Variants in PIGL observed in about 807,000 individuals in gnomAD.
PIGL encodes the protein phosphatidylinositol glycan anchor biosynthesis class L, also known as N-acetylglucosaminyl-phosphatidylinositol de-N-acetylase.
A neutral mutation model predicts 31.1 loss-of-function variants in PIGL; 22 were observed. The ratio of observed to expected loss-of-function variants is 0.71; its 90% CI spans 0.51 to 1.01. The LOEUF is 1.01. PIGL is among the 50% of genes least tolerant of loss of function. PIGL has a pLI of 0.00. For missense variants in PIGL, 302 were observed against 315.9 expected (o/e 0.96, Z 0.33); for synonymous variants, 131 against 117.4 (o/e 1.12, Z -0.75).
intron 2 of PIGL, among the ~76,000 whole-genome samples, chr17:16,283,613 G>T (rs1413270111): frequency 6.6e-6 from 1 of 152,126 alleles, no homozygotes; most frequent in Non-Finnish European, 1.5e-5. Flanking sequence ...CTGAGACCTG[G>T]AGTTCAAGGT....
Position 16,258,552 on chromosome 17 carries a change from G to A in PIGL, c.335+24482G>A, listed in dbSNP as rs185568313. ...AAGTTTTGCTGCTGTTGCCCAGGCT[G>A]GAGTGCAATGGTGCAATCTCAGCTC... On this transcript the variant is annotated intron_variant, in intron 2 of 6. Coordinates refer to ENST00000225609, the MANE Select transcript of PIGL (RefSeq NM_004278.4). 7.3e-4 allele frequency among the ~76,000 whole-genome samples: 111 copies of A among 151,762 alleles called. 2 individuals are homozygous for A. Among genetic ancestry groups the A allele is most frequent in the Non-Finnish European group, 1.3e-4 (9 of 67,928 alleles).
At chr17:16,281,838 G>A (rs2092917654) in intron 2 of PIGL, among the ~76,000 whole-genome samples, 1 of 152,302 alleles carries the variant, frequency 6.6e-6, no homozygotes, top group Non-Finnish European at 1.5e-5. Flanking sequence ...TCCTGCAGAA[G>A]CAGGAGCTCT....
At chr17:16,297,060 A>T (rs898424828) in intron 2 of PIGL, among the ~76,000 whole-genome samples, 47 of 152,160 alleles carry the variant, frequency 3.1e-4, no homozygotes, top group African/African-American at 1.1e-3. Context: ...GTGTTATCTC[A>T]TTGACTCTTT....
intron 2 of PIGL, among the ~76,000 whole-genome samples, chr17:16,254,430 G>A (rs1234562249): frequency 6.6e-6 from 1 of 151,776 alleles, no homozygotes; most frequent in African/African-American, 2.4e-5. Flanking sequence ...CACCACACCT[G>A]GCTAATTTTG....
intron 3 of PIGL, among the ~76,000 whole-genome samples, chr17:16,301,422 G>A (rs949259953): frequency 6.7e-6 from 1 of 148,370 alleles, no homozygotes; most frequent in Non-Finnish European, 1.5e-5. Context: ...GTGCCACCAC[G>A]CCAGGCTAAT....
intron 2 of PIGL, among the ~76,000 whole-genome samples, chr17:16,263,493 G>GT (rs1235259897): frequency 1.3e-5 from 2 of 150,014 alleles, no homozygotes; most frequent in African/African-American, 5.0e-5. Context: ...TTGTTTTATT[G>GT]GTTTTTTTTT....
chr17:16,302,990 G>A (rs1167025256), intron 3 of PIGL, among the ~76,000 whole-genome samples: 1 of 152,098 alleles, frequency 6.6e-6, no homozygotes, highest in African/African-American at 2.4e-5. Context: ...GGTCTTTGCC[G>A]AGGGGCCAGA....
chr17:16,285,643 A>C (rs2092934387), intron 2 of PIGL, among the ~76,000 whole-genome samples: 1 of 152,124 alleles, frequency 6.6e-6, no homozygotes. Flanking sequence ...CTCTTAGGGC[A>C]TTTGGTCTGT....
chr17:16,287,696 T>C (rs2092943910), intron 2 of PIGL, among the ~76,000 whole-genome samples: 1 of 152,270 alleles, frequency 6.6e-6, no homozygotes, highest in Non-Finnish European at 1.5e-5. Flanking sequence ...TGTCCTGTTA[T>C]ACGTTGACAT....
chr17:16,320,935 A>ATTTTTT (rs34777606), intron 6 of PIGL, among the ~76,000 whole-genome samples: 8 of 89,982 alleles, frequency 8.9e-5, no homozygotes, highest in Admixed American at 1.4e-4. Flanking sequence ...GTGCCTGGCC[A>ATTTTTT]TTTTTTTTTT....
At position 16,234,049 on chromosome 17, in the gene PIGL, G is replaced by T; in HGVS notation, c.314G>T (p.Ser105Ile). 1.3e-6 allele frequency: 2 copies of T among 1,587,006 alleles called. No individual in the cohort carries two copies. Among genetic ancestry groups the T allele is most frequent in the Non-Finnish European group, 1.7e-6 (2 of 1,155,736 alleles). Residue 105 changes from serine (S) to isoleucine (I), a missense_variant, in exon 2 of 7, where the codon AGT becomes ATT. Physicochemically the swap from Ser to Ile is moderately radical, Grantham distance 142. Transcript: ENST00000225609. The part of the protein sequence containing the change: ...SCDVLGIPLS[S>I]VMIIDNRDFP... ...GATGTTTTGGGGATTCCACTCTCCA[G>T]TGTAATGATTATTGACAACAGGTAA...
intron 2 of PIGL, among the ~76,000 whole-genome samples, chr17:16,247,795 G>T (rs1233418969): frequency 6.6e-6 from 1 of 152,150 alleles, no homozygotes; most frequent in Non-Finnish European, 1.5e-5. Flanking sequence ...TATTGAGGTG[G>T]TTGATTACAT....
intron 2 of PIGL, among the ~76,000 whole-genome samples, chr17:16,262,681 A>G (rs1355076937): frequency 2.6e-5 from 4 of 152,170 alleles, no homozygotes; most frequent in Non-Finnish European, 5.9e-5. Flanking sequence ...ATAAACATAG[A>G]ATTACCACAT....
chr17:16,223,460 C>G (rs1489770649), intron 1 of PIGL, among the ~76,000 whole-genome samples: 2 of 152,002 alleles, frequency 1.3e-5, no homozygotes, highest in Non-Finnish European at 2.9e-5. Context: ...GCCTGTAATC[C>G]CAGCTACTCA....
intron 2 of PIGL, among the ~76,000 whole-genome samples, chr17:16,260,004 CACT>C (rs2092812673): frequency 6.6e-6 from 1 of 152,234 alleles, no homozygotes; most frequent in Non-Finnish European, 1.5e-5. Flanking sequence ...TGAGCCCAGG[CACT>C]GTCGCAACCT....
intron 1 of PIGL, among the ~76,000 whole-genome samples, chr17:16,218,677 C>CTT (rs34243048): frequency 0.018 from 2,338 of 127,620 alleles, 58 homozygotes; most frequent in Admixed American, 0.03. Context: ...CCAACTTACT[C>CTT]TTTTTTTTTT....
intron 2 of PIGL, among the ~76,000 whole-genome samples, chr17:16,237,101 CTTTTTT>C (rs71150281): frequency 1.7e-5 from 1 of 58,120 alleles, no homozygotes; most frequent in Admixed American, 2.4e-4. Flanking sequence ...CCACACCTGG[CTTTTTT>C]TTTTTTTTTT....
intron 3 of PIGL, among the ~76,000 whole-genome samples, chr17:16,306,203 C>G (rs1410899028): frequency 2.0e-5 from 3 of 152,010 alleles, no homozygotes; most frequent in African/African-American, 7.2e-5. Context: ...CCCACCTTGG[C>G]CTCCCAAAGT....
At chr17:16,323,081 T>C (rs566438102) in intron 6 of PIGL, among the ~76,000 whole-genome samples, 1 of 152,324 alleles carries the variant, frequency 6.6e-6, no homozygotes, top group South Asian at 2.1e-4. Flanking sequence ...ATATATTGAC[T>C]GATTGATGAA....
Sources: gnomAD v4.1 joint callset for allele counts (sites outside exome capture counted in the v4.1 genomes callset) on GRCh38, gnomAD v4.1.1 for gene constraint, MANE v1.5 for transcripts, NCBI Gene and HGNC (gene_info 2026-07-23, HGNC 2026-07-21) for gene names.